Variants in WNT9B observed in about 807,000 individuals in gnomAD.
WNT9B encodes the protein protein Wnt-9b.
WNT9B carries 12 observed loss-of-function variants against 30.2 expected under a neutral mutation model. The ratio of observed to expected loss-of-function variants is 0.40; its 90% confidence interval spans 0.26 to 0.64. The LOEUF (loss-of-function observed/expected upper bound fraction) is 0.64, where lower values mean the gene tolerates loss of function less well. Ranked by LOEUF, WNT9B falls within the 30% of genes least tolerant of loss-of-function variation. The probability of loss-of-function intolerance (pLI) is 0.42; values close to 1 mark genes in which losing one functional copy is unlikely to be tolerated. For synonymous variants in WNT9B, 218 were observed against 216.9 expected, an observed-to-expected ratio of 1.01 and a Z score of -0.05; for missense variants, 442 against 485.2, an observed-to-expected ratio of 0.91 and a Z score of 0.84.
intron 1 of WNT9B, 119 bp from the exon 2 acceptor site, chr17:46,872,398 G>C: frequency 7.4e-7 from 1 of 1,350,422 alleles, no homozygotes; most frequent in Non-Finnish European, 9.6e-7. Context: ...GACCTCCAGC[G>C]GGTCAGCCTG....
At position 46,876,777 on chromosome 17, in the gene WNT9B, C is replaced by A; in HGVS notation, c.*59C>A. The A allele has an allele frequency of 6.8e-7, 1 of 1,480,950 alleles. No individual in the cohort carries two copies. Among genetic ancestry groups the A allele is most frequent in the Non-Finnish European group, 9.0e-7 (1 of 1,113,060 alleles). The allele number at this position is 1,480,950 out of a possible 1,614,324, so 91.7% of individuals were successfully genotyped here. A position where few individuals can be genotyped will look rare whatever the true frequency, so the allele number is the denominator to read the frequency against. On this transcript the variant is annotated 3_prime_UTR_variant, in exon 4 of 4. Coordinates refer to ENST00000290015, the MANE Select transcript of WNT9B (RefSeq NM_003396.3). Reference sequence around the variant, plus strand: ...AGGACCTCCTGTGGCACCCTTCAAGCTGCCCAGCCGGCCCTCTGGGCAGAC... The same window carrying A: ...AGGACCTCCTGTGGCACCCTTCAAGATGCCCAGCCGGCCCTCTGGGCAGAC...
intron 2 of WNT9B, chr17:46,874,880 G>A (rs1231910552): frequency 2.9e-6 from 2 of 700,980 alleles, no homozygotes; most frequent in East Asian, 5.4e-5. Flanking sequence ...GCCCAGCCTG[G>A]AAGTTCCATT....
At chr17:46,841,076 T>C (rs1395632747) in intron 1 of WNT9B, among the ~76,000 whole-genome samples, 2 of 152,164 alleles carry the variant, frequency 1.3e-5, no homozygotes, top group Non-Finnish European at 2.9e-5. Context: ...GAATTCAGGT[T>C]GGAAGGCTTA....
intron 1 of WNT9B, among the ~76,000 whole-genome samples, chr17:46,859,499 A>G (rs1436045127): frequency 6.6e-6 from 1 of 152,166 alleles, no homozygotes; most frequent in African/African-American, 2.4e-5. Flanking sequence ...ATTTATCTAT[A>G]TGCCTATCCT....
intron 1 of WNT9B, among the ~76,000 whole-genome samples, chr17:46,855,520 C>T (rs2084924409): frequency 6.6e-6 from 1 of 152,160 alleles, no homozygotes; most frequent in African/African-American, 2.4e-5. Flanking sequence ...CTAAGGTTCC[C>T]TAATGCTAAC....
chr17:46,836,944 C>CT (rs2084638993), intron 1 of WNT9B, among the ~76,000 whole-genome samples: 1 of 152,030 alleles, frequency 6.6e-6, no homozygotes, highest in African/African-American at 2.4e-5. Context: ...ATTTCTTTTT[C>CT]TTTTTTTCTT....
At chr17:46,871,304 A>G (rs1297774377) in intron 1 of WNT9B, among the ~76,000 whole-genome samples, 1 of 152,104 alleles carries the variant, frequency 6.6e-6, no homozygotes, top group Non-Finnish European at 1.5e-5. Flanking sequence ...TTCCACCCAC[A>G]CTGGGGGCAC....
At position 46,836,020 on chromosome 17, in the gene WNT9B, G is replaced by A. The variant is rs894162901; in HGVS notation, c.95+2580G>A. Among the ~76,000 whole-genome samples the A allele has an allele frequency of 5.9e-5, 9 of 152,046 alleles. No homozygotes were observed. In the South Asian group the frequency reaches 8.3e-4, roughly 14 times the overall value. On this transcript the variant is annotated intron_variant, in intron 1 of 2. Coordinates refer to the WNT9B transcript ENST00000575372. Reference sequence around the variant, plus strand: ...GTTATTGTGCCCACACATTCTGGATGGGGCCTGCGAGGATGGTCAGGGTCA... The same window carrying A: ...GTTATTGTGCCCACACATTCTGGATAGGGCCTGCGAGGATGGTCAGGGTCA...
chr17:46,851,090 C>A (rs1181464192), upstream of WNT9B, among the ~76,000 whole-genome samples: 1 of 152,210 alleles, frequency 6.6e-6, no homozygotes, highest in Non-Finnish European at 1.5e-5. The surrounding 1 kb of genome is among the most constrained non-coding windows in gnomAD (Gnocchi z 4.3). Context: ...GCACCAGGAC[C>A]CGGCCCTGCC....
At chr17:46,837,084 A>C (rs1404884991) in intron 1 of WNT9B, among the ~76,000 whole-genome samples, 1 of 152,124 alleles carries the variant, frequency 6.6e-6, no homozygotes, top group Admixed American at 6.5e-5. Context: ...CTAGGACTAC[A>C]GGCACTCGCC....
chr17:46,867,528 C>T (rs1333252957), intron 1 of WNT9B, among the ~76,000 whole-genome samples: 1 of 152,226 alleles, frequency 6.6e-6, no homozygotes, highest in Non-Finnish European at 1.5e-5. Context: ...GATCCTTGGG[C>T]CCCACTCTCC....
downstream of WNT9B, among the ~76,000 whole-genome samples, chr17:46,884,749 C>T (rs1004008147): frequency 6.6e-6 from 1 of 152,250 alleles, no homozygotes; most frequent in East Asian, 1.9e-4. Flanking sequence ...GACCACTTGC[C>T]TGAGGTCACA....
Position 46,852,526 on chromosome 17 carries a change from G to A in WNT9B, c.77+811G>A, listed in dbSNP as rs1252994238. ...TGACACTGGGGAGAGAGCCGGACAGGAACTATGTGGGGAATGTTTGGAGCA... is the reference window on the plus strand; with the variant it reads ...TGACACTGGGGAGAGAGCCGGACAGAAACTATGTGGGGAATGTTTGGAGCA... On this transcript the variant is annotated intron_variant, in intron 1 of 3. Coordinates refer to ENST00000290015, the MANE Select transcript of WNT9B (RefSeq NM_003396.3). 2.6e-5 allele frequency among the ~76,000 whole-genome samples: 4 copies of A among 151,296 alleles called. No individual in the cohort carries two copies. In the East Asian group the frequency reaches 7.8e-4, roughly 30 times the overall value.
intron 1 of WNT9B, among the ~76,000 whole-genome samples, chr17:46,858,691 G>T (rs148759984): frequency 5.9e-5 from 9 of 152,226 alleles, no homozygotes; most frequent in African/African-American, 2.2e-4. Context: ...TGTAGGATGG[G>T]TGTAAATAGT....
Position 46,876,803 on chromosome 17 carries a change from T to C in WNT9B, c.*85T>C. On this transcript the variant is annotated 3_prime_UTR_variant, in exon 4 of 4. Coordinates refer to ENST00000290015, the MANE Select transcript of WNT9B (RefSeq NM_003396.3). ...TGCCCAGCCGGCCCTCTGGGCAGAC[T>C]GTCATCACATGCATGCATAAACCGG... 2 of 1,453,352 alleles carry C rather than the reference T, an allele frequency of 1.4e-6. No homozygotes were observed. The highest frequency in any genetic ancestry group is 2.5e-5 in the East Asian group (1 of 40,414). The allele number at this position is 1,453,352 out of a possible 1,614,324, so 90.0% of individuals were successfully genotyped here. A position where few individuals can be genotyped will look rare whatever the true frequency, so the allele number is the denominator to read the frequency against.
intron 1 of WNT9B, among the ~76,000 whole-genome samples, chr17:46,860,627 T>C (rs1414936935): frequency 6.6e-6 from 1 of 152,238 alleles, no homozygotes; most frequent in African/African-American, 2.4e-5. Flanking sequence ...GCTATCTCTA[T>C]ATAAGGATTC....
At chr17:46,883,393 TCC>T (rs1472883277), downstream of WNT9B, among the ~76,000 whole-genome samples, 1 of 151,110 alleles carries the variant, frequency 6.6e-6, no homozygotes, top group African/African-American at 2.4e-5. Flanking sequence ...CAAGTGAGTC[TCC>T]TGCCTCAGCC....
At chr17:46,852,167 G>GGTCT (rs1447540409) in intron 1 of WNT9B, among the ~76,000 whole-genome samples, 4 of 152,226 alleles carry the variant, frequency 2.6e-5, no homozygotes, top group African/African-American at 9.6e-5. Flanking sequence ...CCTTCGCCCT[G>GGTCT]CGGAGCGGAG....
intron 1 of WNT9B, among the ~76,000 whole-genome samples, chr17:46,839,949 TTTCTTTC>T (rs1339806363): frequency 6.7e-6 from 1 of 148,686 alleles, no homozygotes; most frequent in African/African-American, 2.5e-5. Context: ...TCTTTCTTTC[TTTCTTTC>T]TTTCTTTCTT....
Sources: gnomAD v4.1 joint callset for allele counts (sites outside exome capture counted in the v4.1 genomes callset) on GRCh38, gnomAD v4.1.1 for gene constraint, Gnocchi (gnomAD v3.1) non-coding constraint, MANE v1.5 for transcripts, NCBI Gene and HGNC (gene_info 2026-07-23, HGNC 2026-07-21) for gene names.